The following NR2C2 variants were observed in gnomAD, a reference collection of about 807,000 sequenced individuals.
The protein encoded by NR2C2 is nuclear receptor subfamily 2 group C member 2, also known as Nuclear hormone receptor TR4.
NR2C2 carries 6 observed loss-of-function variants against 62.9 expected under a neutral mutation model. The ratio of observed to expected loss-of-function variants is 0.10; its 90% CI spans 0.05 to 0.19. The LOEUF is 0.19. NR2C2 is among the 10% of genes least tolerant of loss of function. The pLI, the probability that NR2C2 is intolerant of heterozygous loss-of-function variation, is 1.00. For synonymous variants in NR2C2, 272 were observed against 273.8 expected, an observed-to-expected ratio of 0.99 and a Z score of 0.07; for missense variants, 479 against 762.7, an observed-to-expected ratio of 0.63 and a Z score of 4.38.
At position 15,034,703 on chromosome 3, in the gene NR2C2, C is replaced by T. The variant is rs1161628762; in HGVS notation, c.1266C>T (p.Cys422=). 4 of 1,614,126 alleles carry T rather than the reference C, an allele frequency of 2.5e-6. No homozygotes were observed. In the South Asian group the frequency reaches 4.4e-5, roughly 18 times the overall value. ...GCAACACCAGCCTTGTGCGGGCCTGCTGGAATGAGCTCTTCACCCTCGGCC... is the reference window on the plus strand; with the variant it reads ...GCAACACCAGCCTTGTGCGGGCCTGTTGGAATGAGCTCTTCACCCTCGGCC... ...QDCNTSLVRA[C]WNELFTLGLA... Residue 422 remains cysteine (C), a synonymous_variant, in exon 11 of 14, where the codon TGC becomes TGT. Transcript: ENST00000425241.
chr3:14,963,173 A>G (rs1174648076), intron 1 of NR2C2, among the ~76,000 whole-genome samples: 2 of 152,206 alleles, frequency 1.3e-5, no homozygotes. Flanking sequence ...ATGTGCAGGC[A>G]ACTTGACATG....
rs532775515 is a variant in NR2C2, at chr3:15,016,206, C to G, written c.328C>G (p.Arg110Gly). The G allele has an allele frequency of 6.2e-7, 1 of 1,614,052 alleles. No homozygotes were observed. Among genetic ancestry groups the G allele is most frequent in the East Asian group, 2.2e-5 (1 of 44,880 alleles). Residue 110 changes from arginine (R) to glycine (G), a missense_variant, in exon 4 of 14, where the codon CGG (arginine) becomes GGG (glycine). Physicochemically the swap from Arg to Gly is moderately radical, Grantham distance 125. Transcript: ENST00000425241. ...ERLLGKTDVQ[R>G]PQVVEYCVVC... The stretch of plus-strand genomic sequence containing the variant: ...TTTACTGGGGAAGACGGACGTCCAG[C>G]GGCCCCAGGTGGTAGAGTACTGTGT...
At chr3:15,011,225 G>A (rs377394124) in intron 2 of NR2C2, among the ~76,000 whole-genome samples, 8 of 152,338 alleles carry the variant, frequency 5.3e-5, no homozygotes, top group African/African-American at 1.7e-4. Flanking sequence ...TGTGGTCTCA[G>A]CTACACAGAA....
chr3:15,045,865 T>A lies in NR2C2; in HGVS notation c.*2857T>A, dbSNP rs1246094341. On this transcript the variant is annotated 3_prime_UTR_variant, in exon 14 of 14. Coordinates refer to ENST00000425241, the MANE Select transcript of NR2C2 (RefSeq NM_001291694.2). ...ACTGGCCTGGCTGCTCCTCCCTCAA[T>A]GAGGAGAGGCAGCTGGCTCAGAGAG... 1.3e-5 allele frequency: 2 copies of A among 152,206 alleles called. No individual in the cohort carries two copies. The highest frequency in any genetic ancestry group is 1.5e-5 in the Non-Finnish European group (1 of 68,028). 9.4% of individuals were successfully genotyped at this position (152,206 alleles called of 1,614,324 possible).
At chr3:15,042,653 G>T (rs1408794389) in intron 13 of NR2C2, 181 bp from the exon 14 acceptor site, 2 of 584,048 alleles carry the variant, frequency 3.4e-6, no homozygotes, top group Non-Finnish European at 6.1e-6. Flanking sequence ...TACTCATTTG[G>T]TTTTTTCTCA....
chr3:14,999,136 C>G (rs2040914388), intron 1 of NR2C2, among the ~76,000 whole-genome samples: 1 of 152,146 alleles, frequency 6.6e-6, no homozygotes, highest in South Asian at 2.1e-4. Flanking sequence ...GACCAACATG[C>G]AGAAACCCTG....
chr3:15,016,389 TC>T, intron 4 of NR2C2, 135 bp downstream of exon 4: 1 of 619,106 alleles, frequency 1.6e-6, no homozygotes, highest in South Asian at 2.1e-5. Context: ...ATTCTACTTT[TC>T]TTATTGGGGT....
intron 11 of NR2C2, among the ~76,000 whole-genome samples, 170 bp downstream of exon 11, chr3:15,034,979 A>G (rs1202375011): frequency 6.6e-6 from 1 of 152,190 alleles, no homozygotes; most frequent in Non-Finnish European, 1.5e-5. Flanking sequence ...ATAGGCTGAG[A>G]GAAGTTTGAC....
intron 1 of NR2C2, among the ~76,000 whole-genome samples, chr3:14,970,468 A>C (rs562109550): frequency 6.6e-6 from 1 of 152,262 alleles, no homozygotes; most frequent in Admixed American, 6.5e-5. Flanking sequence ...CTCGGTATCC[A>C]TGTAGCACCA....
At chr3:14,949,234 A>G (rs565315855) in intron 1 of NR2C2, among the ~76,000 whole-genome samples, 1 of 152,328 alleles carries the variant, frequency 6.6e-6, no homozygotes, top group Admixed American at 6.5e-5. Context: ...TGTGAAAGAA[A>G]AGAAGCCAAA....
intron 4 of NR2C2, among the ~76,000 whole-genome samples, chr3:15,017,423 C>T (rs1325163760): frequency 6.6e-6 from 1 of 152,192 alleles, no homozygotes; most frequent in Non-Finnish European, 1.5e-5. Flanking sequence ...GCCTGTCTTC[C>T]CCATCAGAAT....
In NR2C2 at chr3:15,042,109, C is replaced by T. The variant is rs1168185058; in HGVS notation, c.1617-725C>T. ...ATGGCACTGCAGTAGAGTCCTGGCA[C>T]ATGCTCCACTTGCTCACCTGAGATC... On this transcript the variant is annotated intron_variant, in intron 13 of 13. Coordinates refer to ENST00000425241, the MANE Select transcript of NR2C2 (RefSeq NM_001291694.2). Among the ~76,000 whole-genome samples, 6 of 152,308 alleles carry T rather than the reference C, an allele frequency of 3.9e-5. No homozygotes were observed. The South Asian group carries it at 1.2e-3, about 32-fold the overall frequency.
chr3:14,998,373 A>C (rs553759874), intron 1 of NR2C2, among the ~76,000 whole-genome samples: 1 of 152,226 alleles, frequency 6.6e-6, no homozygotes, highest in African/African-American at 2.4e-5. Context: ...GTACCATTCT[A>C]CATTACTACC....
intron 1 of NR2C2, among the ~76,000 whole-genome samples, chr3:14,972,012 T>C (rs1004882226): frequency 2.0e-5 from 3 of 151,858 alleles, no homozygotes; most frequent in East Asian, 3.9e-4. Flanking sequence ...TATCTCCGTG[T>C]TGGTCAGGCT....
At chr3:14,977,645 A>T (rs1163264770) in intron 1 of NR2C2, among the ~76,000 whole-genome samples, 1 of 152,124 alleles carries the variant, frequency 6.6e-6, no homozygotes, top group Non-Finnish European at 1.5e-5. Flanking sequence ...TCAAATGGCT[A>T]ATGATCCTCA....
intron 1 of NR2C2, among the ~76,000 whole-genome samples, chr3:14,954,714 TGA>T (rs894937352): frequency 6.6e-6 from 1 of 152,130 alleles, no homozygotes; most frequent in Non-Finnish European, 1.5e-5. Flanking sequence ...GGAAGGGGTG[TGA>T]GAGGGACTTT....
chr3:14,999,524 T>C (rs757101056), intron 1 of NR2C2, among the ~76,000 whole-genome samples: 3 of 152,204 alleles, frequency 2.0e-5, no homozygotes, highest in Non-Finnish European at 4.4e-5. Flanking sequence ...TTTTAATGAT[T>C]ATTTTCTAAT....
rs2042379600 is a variant in NR2C2, at chr3:15,044,413, C to T, written c.*1405C>T. 1.3e-5 allele frequency: 2 copies of T among 152,078 alleles called. No individual in the cohort carries two copies. The highest frequency in any genetic ancestry group is 2.4e-5 in the African/African-American group (1 of 41,388). The allele number at this position is 152,078 out of a possible 1,614,324, so 9.4% of individuals were successfully genotyped here. A position where few individuals can be genotyped will look rare whatever the true frequency, so the allele number is the denominator to read the frequency against. Reference sequence around the variant, plus strand: ...CAATTTCCAGGGTGATAGTCTTTCTCCTCATAAATTGTAGCAACCAGAGTT... The same window carrying T: ...CAATTTCCAGGGTGATAGTCTTTCTTCTCATAAATTGTAGCAACCAGAGTT... On this transcript the variant is annotated 3_prime_UTR_variant, in exon 14 of 14. Coordinates refer to ENST00000425241, the MANE Select transcript of NR2C2 (RefSeq NM_001291694.2).
In NR2C2 at chr3:15,030,582, C is replaced by T. The variant is rs887097030; in HGVS notation, c.1110+130C>T. 1.4e-4 allele frequency: 132 copies of T among 922,246 alleles called. No homozygotes were observed. In the African/African-American group the frequency reaches 2.1e-3, roughly 15 times the overall value. The allele number at this position is 922,246 out of a possible 1,614,324, so 57.1% of individuals were successfully genotyped here. On this transcript the variant is annotated intron_variant, in intron 9 of 13. Transcript: ENST00000425241. ...GTGGCTCATGCCTGTAATCTTAGCA[C>T]TTCGGGAGGCCAAGGCACGTGGATC...
Sources: gnomAD v4.1 joint callset for allele counts (sites outside exome capture counted in the v4.1 genomes callset) on GRCh38, gnomAD v4.1.1 for gene constraint, MANE v1.5 for transcripts, NCBI Gene and HGNC (gene_info 2026-07-23, HGNC 2026-07-21) for gene names.